Variants in SPTAN1 observed in about 807,000 individuals in gnomAD.
SPTAN1 encodes the protein spectrin alpha chain, non-erythrocytic 1.
A neutral mutation model predicts 331.3 loss-of-function variants in SPTAN1; 61 were observed. The ratio of observed to expected loss-of-function variants is 0.18; its 90% CI spans 0.15 to 0.23. The LOEUF (loss-of-function observed/expected upper bound fraction) is 0.23. Among genes scored for constraint, SPTAN1 ranks in the 10% least tolerant of loss-of-function variants. SPTAN1 has a pLI of 1.00. For synonymous variants in SPTAN1, 1,153 were observed against 1,173.9 expected (o/e 0.98, Z 0.36); for missense variants, 2,043 against 3,147.9 (o/e 0.65, Z 8.40).
chr9:128,575,573 G>A (rs915512532), intron 5 of SPTAN1, among the ~76,000 whole-genome samples: 1 of 152,158 alleles, frequency 6.6e-6, no homozygotes, highest in Non-Finnish European at 1.5e-5. Context: ...CATTTGATCT[G>A]TTTCCTCTAC....
intron 1 of SPTAN1, 56 bp from the exon 2 acceptor site, chr9:128,566,682 T>G (rs1850075345): frequency 6.2e-7 from 1 of 1,613,026 alleles, no homozygotes; most frequent in African/African-American, 1.3e-5. Flanking sequence ...GGCTAATTAC[T>G]TTTCATCTAT....
Position 128,615,668 on chromosome 9 carries a change from C to G in SPTAN1, c.5185C>G (p.Leu1729Val), listed in dbSNP as rs764203560. The change falls in exon 41 of 57, where the codon CTG becomes GTG. Residue 1729 changes from leucine to valine, a missense_variant. Around this residue, in one of 12 missense-constraint regions of SPTAN1, gnomAD observed 323 missense variants for 581.1 expected, o/e 0.56. Transcript: ENST00000372739. ...GGACCTGAACAGCCAGGCAGACAGC[C>G]TGATGACCAGCAGTGCCTTCGACAC... ...LKDLNSQADS[L>V]MTSSAFDTSQ... 1.2e-6 allele frequency: 2 copies of G among 1,614,182 alleles called. No individual in the cohort carries two copies. The highest frequency in any genetic ancestry group is 2.2e-5 in the South Asian group (2 of 91,084).
In SPTAN1 at chr9:128,600,126, C is replaced by G. The variant is rs1015392604; in HGVS notation, c.3579+11C>G. 9 of 1,613,884 alleles carry G rather than the reference C, an allele frequency of 5.6e-6. No individual in the cohort carries two copies. The highest frequency in any genetic ancestry group is 7.6e-6 in the Non-Finnish European group (9 of 1,179,894). On this transcript the variant is annotated intron_variant, in intron 27 of 56. Transcript: ENST00000372739. ...GCCTCCCCGTGGAAGGTAAGAACTCCTTTGCAAATTATTGTTTTCAAGAGT... is the reference window on the plus strand; with the variant it reads ...GCCTCCCCGTGGAAGGTAAGAACTCGTTTGCAAATTATTGTTTTCAAGAGT...
At chr9:128,583,666 C>A in intron 15 of SPTAN1, 122 bp from the exon 16 acceptor site, 1 of 1,058,422 alleles carries the variant, frequency 9.4e-7, no homozygotes, top group Non-Finnish European at 1.4e-6. Context: ...CTCTTTGTGA[C>A]ATAAGTGAAG....
intron 1 of SPTAN1, among the ~76,000 whole-genome samples, chr9:128,558,967 A>T (rs1445709620): frequency 3.3e-5 from 5 of 152,136 alleles, no homozygotes; most frequent in Non-Finnish European, 5.9e-5. Context: ...AACAAGAGAC[A>T]GCTCCCTGTC....
Position 128,570,328 on chromosome 9 carries a change from ATATTTT to A in SPTAN1, c.363+1433_363+1438del, listed in dbSNP as rs1372375702. ...CTTATATATATATATATATATATATATATTTTTTTTTTTTTTTTTTTTTTTTGAGAC... is the reference window on the plus strand; with the variant it reads ...CTTATATATATATATATATATATATATTTTTTTTTTTTTTTTTTTTGAGAC... On this transcript the variant is annotated intron_variant, in intron 3 of 56. Transcript: ENST00000372739. Among the ~76,000 whole-genome samples, 192 of 73,502 alleles carry A rather than the reference ATATTTT, an allele frequency of 2.6e-3. 1 individual carries two copies. Among genetic ancestry groups the A allele is most frequent in the African/African-American group, 0.01 (178 of 17,310 alleles). 48.2% of individuals were successfully genotyped at this position (73,502 alleles called of 152,430 possible).
intron 23 of SPTAN1, chr9:128,593,448 TTGA>T (rs1853801980): frequency 9.9e-6 from 2 of 201,208 alleles, no homozygotes; most frequent in Admixed American, 1.0e-4. Flanking sequence ...ACACTTAGAT[TTGA>T]TGATGATTCT....
intron 1 of SPTAN1, among the ~76,000 whole-genome samples, chr9:128,558,933 A>T (rs557269857): frequency 6.6e-6 from 1 of 152,210 alleles, no homozygotes; most frequent in Non-Finnish European, 1.5e-5. Context: ...TAGGAGCAAA[A>T]AGAAACTGGA....
Position 128,626,557 on chromosome 9 carries a change from A to T in SPTAN1, c.6446A>T (p.Gln2149Leu). ...DAFRSSLSSA[Q>L]ADFNQLAELD... ...TTCCGCTCCTCCCTCAGCTCTGCCC[A>T]GGCTGACTTCAACCAGCTGGCCGAG... Residue 2149 changes from glutamine to leucine, a missense_variant, in exon 49 of 57, where the codon CAG becomes CTG. Gln to Leu is a moderately radical substitution (Grantham distance 113). Transcript: ENST00000372739. 2 of 1,614,098 alleles carry T rather than the reference A, an allele frequency of 1.2e-6. No individual in the cohort carries two copies. The highest frequency in any genetic ancestry group is 1.7e-6 in the Non-Finnish European group (2 of 1,179,996).
In SPTAN1 at chr9:128,627,800, C is replaced by G; in HGVS notation, c.6690-125C>G. Reference sequence around the variant, plus strand: ...GGTGACAGACGATGCAGGGTCTGTGCGTTGGGTACTGATGTTCTTGCTTTT... The same window carrying G: ...GGTGACAGACGATGCAGGGTCTGTGGGTTGGGTACTGATGTTCTTGCTTTT... On this transcript the variant is annotated intron_variant, in intron 50 of 56. Coordinates refer to ENST00000372739, the MANE Select transcript of SPTAN1 (RefSeq NM_001130438.3). The surrounding 1 kb of genome is among the most constrained non-coding windows in gnomAD (Gnocchi z 4.9). 1 of 1,223,456 alleles carries G rather than the reference C, an allele frequency of 8.2e-7. No homozygotes were observed. The highest frequency in any genetic ancestry group is 1.2e-6 in the Non-Finnish European group (1 of 825,590). 75.8% of individuals were successfully genotyped at this position (1,223,456 alleles called of 1,614,324 possible).
chr9:128,623,798 T>C (rs1589377911), intron 45 of SPTAN1, among the ~76,000 whole-genome samples: 1 of 151,768 alleles, frequency 6.6e-6, no homozygotes, highest in Non-Finnish European at 1.5e-5. Flanking sequence ...ATTAATTCCT[T>C]GGACCGGCTG....
intron 26 of SPTAN1, 79 bp downstream of exon 26, chr9:128,599,065 C>G: frequency 7.2e-7 from 1 of 1,395,408 alleles, no homozygotes. Context: ...CCAAGAACTT[C>G]TTCATCAGAA....
intron 46 of SPTAN1, chr9:128,624,695 G>C (rs1161751339): frequency 3.2e-6 from 2 of 620,584 alleles, no homozygotes; most frequent in Non-Finnish European, 2.8e-6. Flanking sequence ...TGGCACCAGG[G>C]TCAATAAACA....
intron 21 of SPTAN1, among the ~76,000 whole-genome samples, chr9:128,589,373 C>G (rs1055442653): frequency 2.0e-5 from 3 of 149,550 alleles, no homozygotes; most frequent in African/African-American, 7.4e-5. Flanking sequence ...ACTGCAAGCT[C>G]CGCCTCCTGC....
chr9:128,566,697 G>A lies in SPTAN1; in HGVS notation c.-3-41G>A, dbSNP rs564670933. 18 of 1,613,286 alleles carry A rather than the reference G, an allele frequency of 1.1e-5. No homozygotes were observed. In the Middle Eastern group the frequency reaches 2.6e-3, roughly 237 times the overall value. On this transcript the variant is annotated intron_variant, in intron 1 of 56. Coordinates refer to ENST00000372739, the MANE Select transcript of SPTAN1 (RefSeq NM_001130438.3). ...GGCTAATTACTTTTCATCTATTTTG[G>A]TGCCTATTGGTACTTATCTCAGCGC...
intron 20 of SPTAN1, among the ~76,000 whole-genome samples, chr9:128,588,133 G>C (rs1030486629): frequency 7.3e-5 from 11 of 151,668 alleles, no homozygotes; most frequent in African/African-American, 2.7e-4. Flanking sequence ...GAGTAGCTGG[G>C]ATTACTGGCG....
chr9:128,594,804 C>CTTTTTTTTTTTTTTTTTTATTTTTTTTTT (rs34874862), intron 24 of SPTAN1, among the ~76,000 whole-genome samples: 1 of 90,560 alleles, frequency 1.1e-5, no homozygotes, highest in Non-Finnish European at 2.2e-5. Flanking sequence ...ATGTATGTAG[C>CTTTTTTTTTTTTTTTTTTATTTTTTTTTT]TTTTTTTTTT....
chr9:128,605,618 C>T (rs1023268415), intron 31 of SPTAN1, 141 bp downstream of exon 31: 7 of 1,087,572 alleles, frequency 6.4e-6, no homozygotes, highest in Admixed American at 4.1e-5. Context: ...CCAAGGCAAG[C>T]GAATTGCTTG....
At chr9:128,616,290 G>T (rs1000359183) in intron 41 of SPTAN1, among the ~76,000 whole-genome samples, 2 of 151,220 alleles carry the variant, frequency 1.3e-5, no homozygotes, top group Admixed American at 1.3e-4. Flanking sequence ...GCTAATTTTT[G>T]TATTTTTAGT....
Sources: allele counts gnomAD v4.1 joint callset (sites outside exome capture counted in the v4.1 genomes callset), GRCh38; gene constraint gnomAD v4.1.1; regional missense constraint gnomAD v4.1.1; non-coding constraint Gnocchi (gnomAD v3.1); transcripts MANE v1.5; gene names NCBI Gene and HGNC (gene_info 2026-07-23, HGNC 2026-07-21).